CPQ: variants seen among roughly 807,000 people sequenced by gnomAD.
CPQ encodes the protein Ser-Met dipeptidase.
CPQ carries 37 observed loss-of-function variants against 45.7 expected under a neutral mutation model. That is an observed-to-expected ratio of 0.81 (90% CI 0.62 to 1.07). CPQ has a LOEUF of 1.07. Among genes scored for constraint, CPQ ranks in the 50% least tolerant of loss-of-function variants. CPQ has a pLI of 0.00. For synonymous variants in CPQ, 186 were observed against 205.8 expected, an observed-to-expected ratio of 0.90 and a Z score of 0.82; for missense variants, 537 against 572.9, an observed-to-expected ratio of 0.94 and a Z score of 0.64.
chr8:97,111,921 A>T (rs942252821), intron 7 of CPQ, among the ~76,000 whole-genome samples: 6 of 152,284 alleles, frequency 3.9e-5, no homozygotes, highest in South Asian at 2.1e-4. Context: ...TTCCTGAAGA[A>T]CAGCCTGAAA....
intron 4 of CPQ, among the ~76,000 whole-genome samples, chr8:96,939,081 G>A (rs1275608006): frequency 6.6e-6 from 1 of 152,136 alleles, no homozygotes; most frequent in Non-Finnish European, 1.5e-5. Flanking sequence ...ATATACAACA[G>A]AATATGTACC....
chr8:96,757,238 C>G (rs1243826486), intron 1 of CPQ, among the ~76,000 whole-genome samples: 1 of 151,746 alleles, frequency 6.6e-6, no homozygotes, highest in Non-Finnish European at 1.5e-5. Flanking sequence ...CTAATCCAAG[C>G]TACTTGGGAG....
intron 5 of CPQ, among the ~76,000 whole-genome samples, 177 bp downstream of exon 5, chr8:96,966,223 C>T (rs1257657715): frequency 3.3e-5 from 5 of 152,234 alleles, no homozygotes; most frequent in South Asian, 4.1e-4. Context: ...TTCATGTGTA[C>T]GCCAGACATC....
At chr8:96,740,123 C>T (rs972686915) in intron 1 of CPQ, among the ~76,000 whole-genome samples, 3 of 151,862 alleles carry the variant, frequency 2.0e-5, no homozygotes, top group African/African-American at 7.3e-5. Flanking sequence ...TTGTTTGTAT[C>T]CTCTTTTATT....
chr8:96,662,075 A>G (rs911328861), intron 1 of CPQ, among the ~76,000 whole-genome samples: 1 of 152,014 alleles, frequency 6.6e-6, no homozygotes, highest in Non-Finnish European at 1.5e-5. Context: ...TCCACTTTAT[A>G]TCTTCTTTGG....
intron 2 of CPQ, among the ~76,000 whole-genome samples, chr8:96,810,467 G>T (rs183288160): frequency 8.5e-5 from 13 of 152,180 alleles, no homozygotes; most frequent in Non-Finnish European, 1.5e-4. Context: ...TGGACAAGTT[G>T]GTTAATGTGT....
At chr8:96,937,044 A>C (rs1346624336) in intron 4 of CPQ, among the ~76,000 whole-genome samples, 1 of 151,130 alleles carries the variant, frequency 6.6e-6, no homozygotes, top group Non-Finnish European at 1.5e-5. Flanking sequence ...CCAGTATTTA[A>C]TGACTCCTAC....
At chr8:97,095,485 C>T (rs566247656) in intron 7 of CPQ, among the ~76,000 whole-genome samples, 1 of 152,288 alleles carries the variant, frequency 6.6e-6, no homozygotes, top group East Asian at 1.9e-4. Context: ...CTCATTACTG[C>T]ATTGCTCCCA....
chr8:96,774,343 A>T (rs556623851), intron 1 of CPQ, among the ~76,000 whole-genome samples: 1 of 152,300 alleles, frequency 6.6e-6, no homozygotes, highest in Admixed American at 6.5e-5. Context: ...ATTCATAACC[A>T]TAATACTGAA....
intron 1 of CPQ, among the ~76,000 whole-genome samples, chr8:96,683,634 T>C (rs1336243303): frequency 2.0e-5 from 3 of 152,160 alleles, no homozygotes; most frequent in African/African-American, 7.2e-5. Context: ...TATCTATCTC[T>C]TGCCCTTCTG....
chr8:97,025,842 A>G (rs1809790362), intron 5 of CPQ, among the ~76,000 whole-genome samples: 1 of 152,238 alleles, frequency 6.6e-6, no homozygotes, highest in African/African-American at 2.4e-5. Flanking sequence ...AATGATAAAT[A>G]TAGATGTCCT....
chr8:97,130,671 T>C (rs183412415), intron 7 of CPQ, among the ~76,000 whole-genome samples: 8 of 152,292 alleles, frequency 5.3e-5, no homozygotes, highest in South Asian at 2.1e-4. Flanking sequence ...ATGAATTTCT[T>C]TGGGTCAAGA....
At chr8:96,748,294 T>G (rs928612894) in intron 1 of CPQ, among the ~76,000 whole-genome samples, 38 of 152,154 alleles carry the variant, frequency 2.5e-4, no homozygotes, top group African/African-American at 8.9e-4. Flanking sequence ...TAAAAACCCT[T>G]AATTTCTCAG....
chr8:96,941,723 C>T (rs547189605), intron 4 of CPQ, among the ~76,000 whole-genome samples: 52 of 152,190 alleles, frequency 3.4e-4, no homozygotes, highest in Non-Finnish European at 5.6e-4. Context: ...TTTTTCTTTC[C>T]TGCTAGGTAT....
At chr8:96,842,517 T>TA (rs201337404) in intron 3 of CPQ, among the ~76,000 whole-genome samples, 12 of 68,162 alleles carry the variant, frequency 1.8e-4, no homozygotes, top group Non-Finnish European at 3.0e-4. Context: ...TTCATGCAGG[T>TA]GGGGCCACTG....
intron 3 of CPQ, among the ~76,000 whole-genome samples, chr8:96,846,910 T>G (rs1811699827): frequency 6.6e-6 from 1 of 152,206 alleles, no homozygotes; most frequent in Non-Finnish European, 1.5e-5. Flanking sequence ...CCCTAGTCTT[T>G]TTAGTATTTT....
intron 5 of CPQ, among the ~76,000 whole-genome samples, chr8:97,016,748 A>T (rs1809587209): frequency 6.6e-6 from 1 of 152,192 alleles, no homozygotes; most frequent in African/African-American, 2.4e-5. Context: ...TAGATGGAAA[A>T]GGTGAAGAGG....
chr8:96,659,910 C>T (rs569333134), intron 1 of CPQ, among the ~76,000 whole-genome samples: 2 of 152,294 alleles, frequency 1.3e-5, no homozygotes, highest in East Asian at 3.9e-4. Context: ...ACCACTTTAT[C>T]CTCTACACTG....
intron 4 of CPQ, among the ~76,000 whole-genome samples, chr8:96,889,282 T>C (rs1812344030): frequency 6.6e-6 from 1 of 152,098 alleles, no homozygotes; most frequent in South Asian, 2.1e-4. Context: ...GATAATAGAG[T>C]TTAAACCAAG....
Sources: gnomAD v4.1 joint callset for allele counts (sites outside exome capture counted in the v4.1 genomes callset) on GRCh38, gnomAD v4.1.1 for gene constraint, MANE v1.5 for transcripts, NCBI Gene and HGNC (gene_info 2026-07-23, HGNC 2026-07-21) for gene names.